Variants in LRP1B observed in about 807,000 individuals in gnomAD.
LRP1B encodes the protein LDL receptor related protein 1B.
Under a neutral mutation model 556.6 loss-of-function variants are expected in LRP1B, and 217 were observed. The ratio of observed to expected loss-of-function variants is 0.39; its 90% CI spans 0.35 to 0.44. The LOEUF (loss-of-function observed/expected upper bound fraction) is 0.44, where lower values mean the gene tolerates loss of function less well. Among genes scored for constraint, LRP1B ranks in the 20% least tolerant of loss-of-function variants. LRP1B has a pLI of 1.00. For missense variants in LRP1B, 5,053 were observed against 5,620.8 expected (o/e 0.90, Z 3.23); for synonymous variants, 2,047 against 1,865.8 (o/e 1.10, Z -2.50).
chr2:141,980,583 A>G (rs938127585), intron 1 of LRP1B, among the ~76,000 whole-genome samples: 1 of 152,142 alleles, frequency 6.6e-6, no homozygotes, highest in African/African-American at 2.4e-5. Context: ...TTAGAAAGCA[A>G]ATGGGAATTA....
intron 23 of LRP1B, among the ~76,000 whole-genome samples, chr2:140,891,104 A>G (rs1396276151): frequency 1.3e-5 from 2 of 152,114 alleles, no homozygotes; most frequent in Admixed American, 6.6e-5. Context: ...CTCCTTTAGC[A>G]TATTATAAGA....
chr2:142,110,993 G>A (rs1489616805), intron 1 of LRP1B, among the ~76,000 whole-genome samples: 1 of 152,288 alleles, frequency 6.6e-6, no homozygotes, highest in Admixed American at 6.6e-5. Context: ...AGAATGCAAT[G>A]TGGATGTCAC....
intron 7 of LRP1B, among the ~76,000 whole-genome samples, chr2:141,134,648 C>T (rs1701445028): frequency 6.6e-6 from 1 of 150,480 alleles, no homozygotes; most frequent in Admixed American, 6.7e-5. Context: ...GTACATAGTA[C>T]ATTGCCAACA....
chr2:141,086,265 A>G (rs1045944069), intron 7 of LRP1B, among the ~76,000 whole-genome samples: 1 of 152,240 alleles, frequency 6.6e-6, no homozygotes, highest in Non-Finnish European at 1.5e-5. Context: ...AAAAGCATAT[A>G]TATTGACAAT....
chr2:141,875,958 A>C (rs1031318576), intron 1 of LRP1B, among the ~76,000 whole-genome samples: 7 of 152,034 alleles, frequency 4.6e-5, no homozygotes, highest in Non-Finnish European at 8.8e-5. Flanking sequence ...TTGTCTAAAA[A>C]TTTTAAGAAT....
chr2:142,107,429 C>T (rs1159954299), intron 1 of LRP1B, among the ~76,000 whole-genome samples: 1 of 152,072 alleles, frequency 6.6e-6, no homozygotes, highest in Non-Finnish European at 1.5e-5. Context: ...TGCACCTCTG[C>T]CTTCTGCTAT....
chr2:140,626,419 A>G (rs868571698), intron 41 of LRP1B, among the ~76,000 whole-genome samples: 1 of 152,172 alleles, frequency 6.6e-6, no homozygotes, highest in Non-Finnish European at 1.5e-5. Flanking sequence ...TAATAAATGT[A>G]CCACTCTGAC....
chr2:141,861,628 A>G (rs1410822131), intron 1 of LRP1B, among the ~76,000 whole-genome samples: 1 of 152,184 alleles, frequency 6.6e-6, no homozygotes, highest in Non-Finnish European at 1.5e-5. Context: ...AACTCTTTCC[A>G]TAGAGAAAAC....
intron 3 of LRP1B, among the ~76,000 whole-genome samples, chr2:141,402,585 C>T (rs948286517): frequency 6.6e-6 from 1 of 151,830 alleles, no homozygotes; most frequent in Non-Finnish European, 1.5e-5. Context: ...AAACTAAAAA[C>T]AAATGAAGAC....
At chr2:140,440,964 G>A (rs561338621) in intron 66 of LRP1B, among the ~76,000 whole-genome samples, 135 of 152,254 alleles carry the variant, frequency 8.9e-4, no homozygotes, top group Non-Finnish European at 1.6e-3. Flanking sequence ...GGACTTGCTA[G>A]CTATGGGAAT....
intron 35 of LRP1B, among the ~76,000 whole-genome samples, chr2:140,732,518 G>T (rs1256415930): frequency 1.3e-5 from 2 of 151,998 alleles, no homozygotes; most frequent in Non-Finnish European, 2.9e-5. Context: ...GCTAGGTTTT[G>T]GATAGTATAT....
At chr2:141,504,890 T>C (rs1455855773) in intron 2 of LRP1B, among the ~76,000 whole-genome samples, 1 of 152,148 alleles carries the variant, frequency 6.6e-6, no homozygotes, top group East Asian at 1.9e-4. Context: ...AGTTCTTCAG[T>C]CTCACTAGCC....
intron 1 of LRP1B, among the ~76,000 whole-genome samples, chr2:141,909,610 CA>C (rs370688539): frequency 3.8e-4 from 52 of 138,424 alleles, no homozygotes; most frequent in African/African-American, 1.3e-3. Context: ...GACCCTGGGG[CA>C]GATGGCAGTA....
intron 41 of LRP1B, among the ~76,000 whole-genome samples, chr2:140,694,944 A>G (rs1686374974): frequency 1.3e-5 from 2 of 151,756 alleles, no homozygotes; most frequent in South Asian, 4.2e-4. Context: ...TTTCTTACAT[A>G]TGTATATTTG....
intron 37 of LRP1B, among the ~76,000 whole-genome samples, chr2:140,704,451 A>G (rs1243172831): frequency 2.0e-5 from 3 of 152,156 alleles, no homozygotes; most frequent in Admixed American, 2.0e-4. Flanking sequence ...TCATATTTAC[A>G]AGCTTTATAA....
chr2:140,952,611 C>T (rs541227301), intron 18 of LRP1B, among the ~76,000 whole-genome samples: 1 of 151,780 alleles, frequency 6.6e-6, no homozygotes, highest in East Asian at 1.9e-4. Flanking sequence ...TCCTTACTAA[C>T]CTTTAGATAA....
intron 43 of LRP1B, among the ~76,000 whole-genome samples, chr2:140,573,019 G>T (rs76225040): frequency 0.085 from 12,840 of 151,624 alleles, 695 homozygotes; most frequent in Non-Finnish European, 0.12. Flanking sequence ...AAAAGGAGAT[G>T]TCGGTTAACA....
chr2:140,292,816 T>C (rs1439367857), intron 84 of LRP1B, among the ~76,000 whole-genome samples: 2 of 152,192 alleles, frequency 1.3e-5, no homozygotes, highest in East Asian at 1.9e-4. Context: ...AACTGACTCA[T>C]GGGATAAAGC....
chr2:140,965,720 C>T (rs1347399641), intron 18 of LRP1B, among the ~76,000 whole-genome samples: 2 of 151,930 alleles, frequency 1.3e-5, no homozygotes, highest in Non-Finnish European at 1.5e-5. Context: ...CTCTACCCCA[C>T]GACAGGACCC....
Sources: gnomAD v4.1 joint callset for allele counts (sites outside exome capture counted in the v4.1 genomes callset) on GRCh38, gnomAD v4.1.1 for gene constraint, MANE v1.5 for transcripts, NCBI Gene and HGNC (gene_info 2026-07-23, HGNC 2026-07-21) for gene names.